Variants in AP1S3 observed in about 807,000 individuals in gnomAD.
The protein encoded by AP1S3 is AP-1 complex subunit sigma-3.
AP1S3 carries 10 observed loss-of-function variants against 20.9 expected under a neutral mutation model. That is an observed-to-expected ratio of 0.48 (90% CI 0.29 to 0.81). AP1S3 has a LOEUF of 0.81. AP1S3 is among the 30% of genes least tolerant of loss of function. AP1S3 has a pLI of 0.08. For missense variants in AP1S3, 154 were observed against 183.8 expected (o/e 0.84, Z 0.94); for synonymous variants, 41 against 61.5 (o/e 0.67, Z 1.56).
chr2:223,785,486 T>C (rs566983745), intron 1 of AP1S3, among the ~76,000 whole-genome samples: 1 of 152,324 alleles, frequency 6.6e-6, no homozygotes, highest in East Asian at 1.9e-4. Flanking sequence ...ATTATAAATG[T>C]TATTTTCTTC....
intron 1 of AP1S3, among the ~76,000 whole-genome samples, chr2:223,813,340 C>A (rs923204155): frequency 6.6e-6 from 1 of 152,154 alleles, no homozygotes; most frequent in African/African-American, 2.4e-5. Context: ...TGTTCAGCCT[C>A]TCCGTGACAA....
chr2:223,799,392 C>T (rs572655625), intron 1 of AP1S3, among the ~76,000 whole-genome samples: 4 of 152,192 alleles, frequency 2.6e-5, no homozygotes, highest in Non-Finnish European at 4.4e-5. Context: ...AGAAACCATT[C>T]TTGCCAGGCT....
intron 1 of AP1S3, among the ~76,000 whole-genome samples, chr2:223,834,655 G>A (rs958815231): frequency 1.8e-5 from 2 of 109,878 alleles, no homozygotes; most frequent in Admixed American, 1.2e-4. Context: ...TACTCAAGAA[G>A]CTGAGGTAGG....
chr2:223,799,128 A>G (rs1288822056), intron 1 of AP1S3, among the ~76,000 whole-genome samples: 1 of 152,056 alleles, frequency 6.6e-6, no homozygotes, highest in Non-Finnish European at 1.5e-5. Flanking sequence ...TAACTTGTTA[A>G]GATGAGGTCA....
intron 1 of AP1S3, among the ~76,000 whole-genome samples, chr2:223,824,651 C>A (rs1319608027): frequency 6.6e-6 from 1 of 152,124 alleles, no homozygotes; most frequent in Non-Finnish European, 1.5e-5. Context: ...GATTCTCCTG[C>A]CTCAGCCTCC....
At chr2:223,807,892 T>TTTTTTTTTTTTTA (rs1691625676) in intron 1 of AP1S3, among the ~76,000 whole-genome samples, 1 of 132,058 alleles carries the variant, frequency 7.6e-6, no homozygotes, top group Non-Finnish European at 1.6e-5. Flanking sequence ...TTTTTTTTTT[T>TTTTTTTTTTTTTA]GGAGACAAGG....
intron 1 of AP1S3, among the ~76,000 whole-genome samples, chr2:223,797,851 T>C (rs1370386002): frequency 6.6e-6 from 1 of 152,196 alleles, no homozygotes; most frequent in Non-Finnish European, 1.5e-5. Flanking sequence ...GCAAGCTCTG[T>C]TTGGCTGCAG....
At position 223,826,950 on chromosome 2, in the gene AP1S3, A is replaced by C. The variant is rs116658649; in HGVS notation, c.3+10498T>G. Among the ~76,000 whole-genome samples, 832 of 152,300 alleles carry C rather than the reference A, an allele frequency of 5.5e-3. 7 individuals carry two copies. Among genetic ancestry groups the C allele is most frequent in the African/African-American group, 0.019 (796 of 41,566 alleles). On this transcript the variant is annotated intron_variant, in intron 1 of 4. Transcript: ENST00000396654. Reference sequence around the variant, plus strand: ...TTTTCTTCCTACTCAACACTCATTAAAAATCTATCCCCAGGGCCTTTTATA... The same window carrying C: ...TTTTCTTCCTACTCAACACTCATTACAAATCTATCCCCAGGGCCTTTTATA...
At chr2:223,783,047 G>A (rs1343439194) in intron 1 of AP1S3, among the ~76,000 whole-genome samples, 1 of 152,118 alleles carries the variant, frequency 6.6e-6, no homozygotes, top group African/African-American at 2.4e-5. Context: ...GAAAAAAAAG[G>A]CATGGGAAGA....
At chr2:223,789,698 C>T (rs569812068) in intron 1 of AP1S3, among the ~76,000 whole-genome samples, 274 of 144,808 alleles carry the variant, frequency 1.9e-3, no homozygotes, top group Admixed American at 3.9e-3. Flanking sequence ...AAAAGCCAGG[C>T]GTGGTGGCAC....
intron 1 of AP1S3, among the ~76,000 whole-genome samples, chr2:223,825,785 G>A: frequency 6.6e-6 from 1 of 152,216 alleles, no homozygotes; most frequent in East Asian, 1.9e-4. Context: ...GGGAGGCCGA[G>A]GTGGGTGGAT....
chr2:223,779,811 T>C (rs998369177), intron 1 of AP1S3, among the ~76,000 whole-genome samples: 3 of 151,812 alleles, frequency 2.0e-5, no homozygotes, highest in African/African-American at 7.3e-5. Context: ...CTAATAAAAA[T>C]ACAAAATTAG....
At chr2:223,798,095 GT>G (rs200781376) in intron 1 of AP1S3, among the ~76,000 whole-genome samples, 24 of 151,974 alleles carry the variant, frequency 1.6e-4, no homozygotes, top group African/African-American at 5.8e-4. Flanking sequence ...AATGTCATAG[GT>G]TTTTTTTCCC....
At chr2:223,765,057 G>C in intron 4 of AP1S3, 156 bp downstream of exon 4, 1 of 1,092,822 alleles carries the variant, frequency 9.2e-7, no homozygotes, top group Non-Finnish European at 1.2e-6. Context: ...TTTTCGAGTT[G>C]TTGTGAGGAT....
intron 1 of AP1S3, among the ~76,000 whole-genome samples, chr2:223,832,112 G>T (rs1388716409): frequency 6.7e-6 from 1 of 148,204 alleles, no homozygotes; most frequent in Non-Finnish European, 1.5e-5. Flanking sequence ...CTTATTCTGG[G>T]GATTATTAAA....
chr2:223,795,973 G>C (rs572579583), intron 1 of AP1S3, among the ~76,000 whole-genome samples: 1 of 152,288 alleles, frequency 6.6e-6, no homozygotes, highest in African/African-American at 2.4e-5. Flanking sequence ...AAGAGATCGA[G>C]ATCAGCCTGG....
At chr2:223,777,179 T>C (rs1381587285) in intron 2 of AP1S3, among the ~76,000 whole-genome samples, 6 of 152,208 alleles carry the variant, frequency 3.9e-5, no homozygotes, top group Non-Finnish European at 8.8e-5. Flanking sequence ...GTGGATCACC[T>C]GAGCACAGGA....
At chr2:223,780,355 AGAGTGT>A (rs1319829957) in intron 1 of AP1S3, among the ~76,000 whole-genome samples, 9 of 54,966 alleles carry the variant, frequency 1.6e-4, no homozygotes, top group African/African-American at 2.7e-4. Flanking sequence ...AGAGAGAGAG[AGAGTGT>A]GTGTGTGTGT....
chr2:223,785,289 C>T (rs1357856251), intron 1 of AP1S3, among the ~76,000 whole-genome samples: 1 of 152,036 alleles, frequency 6.6e-6, no homozygotes, highest in African/African-American at 2.4e-5. Context: ...CTGCAGTGAG[C>T]CAAGATCACA....
Sources: gnomAD v4.1 joint callset for allele counts (sites outside exome capture counted in the v4.1 genomes callset) on GRCh38, gnomAD v4.1.1 for gene constraint, MANE v1.5 for transcripts, NCBI Gene and HGNC (gene_info 2026-07-23, HGNC 2026-07-21) for gene names.